GPC5: variants seen among roughly 807,000 people sequenced by gnomAD.
The protein encoded by GPC5 is glypican-5.
In GPC5, 47 loss-of-function variants were observed where a neutral mutation model predicts 53.9. The ratio of observed to expected loss-of-function variants is 0.87; its 90% CI spans 0.69 to 1.11. GPC5 has a LOEUF of 1.11. Ranked by LOEUF, GPC5 falls within the 50% of genes most tolerant of loss-of-function variation. The pLI, the probability that GPC5 is intolerant of heterozygous loss-of-function variation, is 0.00. For synonymous variants in GPC5, 286 were observed against 263.3 expected (o/e 1.09, Z -0.84); for missense variants, 748 against 713.1 (o/e 1.05, Z -0.56).
intron 7 of GPC5, among the ~76,000 whole-genome samples, chr13:92,432,117 A>T (rs1877113251): frequency 6.6e-6 from 1 of 152,134 alleles, no homozygotes; most frequent in South Asian, 2.1e-4. Context: ...CACTTATAAG[A>T]AGAGAAACCA....
intron 7 of GPC5, among the ~76,000 whole-genome samples, chr13:92,846,042 G>C (rs1047863096): frequency 6.6e-6 from 1 of 152,100 alleles, no homozygotes; most frequent in Non-Finnish European, 1.5e-5. Context: ...AACTGCCCGA[G>C]ACTGGGTAAT....
intron 7 of GPC5, among the ~76,000 whole-genome samples, chr13:92,231,301 T>G (rs1163435417): frequency 6.6e-6 from 1 of 152,212 alleles, no homozygotes; most frequent in Non-Finnish European, 1.5e-5. Context: ...CCCTTTTTCA[T>G]GCTTCTCCAC....
chr13:92,162,938 T>C (rs1174290951), intron 7 of GPC5, among the ~76,000 whole-genome samples: 1 of 152,104 alleles, frequency 6.6e-6, no homozygotes, highest in Non-Finnish European at 1.5e-5. Flanking sequence ...TATATATAAT[T>C]ACACTGAATT....
intron 6 of GPC5, among the ~76,000 whole-genome samples, chr13:92,075,916 T>C (rs375734878): frequency 2.0e-5 from 3 of 152,190 alleles, no homozygotes; most frequent in Non-Finnish European, 4.4e-5. Context: ...TTGATTATTG[T>C]ATTTCTTTAT....
intron 7 of GPC5, among the ~76,000 whole-genome samples, chr13:92,181,523 A>G (rs1446346156): frequency 2.0e-5 from 3 of 152,204 alleles, no homozygotes; most frequent in Non-Finnish European, 2.9e-5. Flanking sequence ...AGATAGTACA[A>G]TTTTGCTGGG....
intron 3 of GPC5, among the ~76,000 whole-genome samples, chr13:91,710,295 A>T (rs1000386454): frequency 6.6e-6 from 1 of 152,230 alleles, no homozygotes; most frequent in African/African-American, 2.4e-5. Flanking sequence ...ATTGAATCTT[A>T]AATTACTAAC....
chr13:91,491,523 T>C (rs970387834), intron 2 of GPC5, among the ~76,000 whole-genome samples: 13 of 152,198 alleles, frequency 8.5e-5, no homozygotes, highest in African/African-American at 2.9e-4. Context: ...ACTCCTGTCC[T>C]TTTTTATTCC....
At chr13:92,047,827 A>AAT (rs2040995625) in intron 6 of GPC5, among the ~76,000 whole-genome samples, 1 of 148,990 alleles carries the variant, frequency 6.7e-6, no homozygotes, top group Non-Finnish European at 1.5e-5. Flanking sequence ...AAAAAAAAAA[A>AAT]GAAAATACAA....
At chr13:92,123,552 CAA>C (rs989852683) in intron 6 of GPC5, among the ~76,000 whole-genome samples, 29 of 152,244 alleles carry the variant, frequency 1.9e-4, no homozygotes, top group African/African-American at 7.0e-4. Flanking sequence ...AAAAATGTGG[CAA>C]AGTTTGAATG....
At chr13:92,810,848 G>C (rs966978626) in intron 7 of GPC5, among the ~76,000 whole-genome samples, 2 of 151,880 alleles carry the variant, frequency 1.3e-5, no homozygotes, top group East Asian at 3.9e-4. Flanking sequence ...AGCCTCCAGA[G>C]TAGCTGGGAT....
intron 7 of GPC5, among the ~76,000 whole-genome samples, chr13:92,198,687 G>C (rs542743991): frequency 4.8e-4 from 73 of 152,250 alleles, no homozygotes; most frequent in Admixed American, 1.4e-3. Flanking sequence ...ATTACTTATT[G>C]ACCTGATACA....
At chr13:91,674,447 A>G (rs952114355) in intron 2 of GPC5, among the ~76,000 whole-genome samples, 2 of 150,868 alleles carry the variant, frequency 1.3e-5, no homozygotes, top group Non-Finnish European at 3.0e-5. Context: ...ATATATATAC[A>G]CATACACACA....
chr13:91,598,393 G>A (rs369756169), intron 2 of GPC5, among the ~76,000 whole-genome samples: 86 of 151,946 alleles, frequency 5.7e-4, no homozygotes, highest in African/African-American at 2.0e-3. Context: ...TATGTTACAG[G>A]TAGAGCTCTT....
chr13:92,094,520 C>CAAAAAAAAAAAAAAAAAAAA (rs71200562), intron 6 of GPC5, among the ~76,000 whole-genome samples: 1 of 68,226 alleles, frequency 1.5e-5, no homozygotes, highest in Non-Finnish European at 2.6e-5. Context: ...GACTCCGTCT[C>CAAAAAAAAAAAAAAAAAAAA]AAAAAAAAAA....
intron 5 of GPC5, among the ~76,000 whole-genome samples, chr13:91,767,002 T>A (rs2037538944): frequency 6.6e-6 from 1 of 152,226 alleles, no homozygotes; most frequent in Admixed American, 6.5e-5. Flanking sequence ...ATATGCTCAT[T>A]TACTTCAATG....
At chr13:91,469,187 C>A (rs945750806) in intron 2 of GPC5, among the ~76,000 whole-genome samples, 1 of 151,964 alleles carries the variant, frequency 6.6e-6, no homozygotes, top group Non-Finnish European at 1.5e-5. Context: ...CGGCTCACTG[C>A]AATCTCTGCC....
At chr13:91,889,979 G>C (rs2039367605) in intron 5 of GPC5, among the ~76,000 whole-genome samples, 1 of 152,180 alleles carries the variant, frequency 6.6e-6, no homozygotes, top group South Asian at 2.1e-4. Context: ...ATTGGGGATA[G>C]GGTATTTCAG....
chr13:91,813,707 A>G (rs1292876286), intron 5 of GPC5, among the ~76,000 whole-genome samples: 1 of 152,174 alleles, frequency 6.6e-6, no homozygotes, highest in Non-Finnish European at 1.5e-5. Context: ...AATTTCTCCC[A>G]GTATCTACTC....
chr13:91,505,164 C>A (rs1846659837), intron 2 of GPC5, among the ~76,000 whole-genome samples: 1 of 151,848 alleles, frequency 6.6e-6, no homozygotes, highest in African/African-American at 2.4e-5. Flanking sequence ...CTAAGGTAAA[C>A]CTGGAAAAAC....
Sources: allele counts gnomAD v4.1 joint callset (sites outside exome capture counted in the v4.1 genomes callset), GRCh38; gene constraint gnomAD v4.1.1; transcripts MANE v1.5; gene names NCBI Gene and HGNC (gene_info 2026-07-23, HGNC 2026-07-21).